The following BFSP1 variants were observed in gnomAD, a reference collection of about 807,000 sequenced individuals.
BFSP1 encodes the protein beaded filament structural protein 1.
Under a neutral mutation model 43.9 loss-of-function variants are expected in BFSP1, and 38 were observed. The observed-to-expected ratio is 0.87, with a 90% CI of 0.67 to 1.14. The LOEUF (loss-of-function observed/expected upper bound fraction) is 1.14. Among genes scored for constraint, BFSP1 ranks in the 50% most tolerant of loss-of-function variants. The probability of loss-of-function intolerance (pLI) is 0.00; values close to 1 mark genes in which losing one functional copy is unlikely to be tolerated. For missense variants in BFSP1, 850 were observed against 875.1 expected (o/e 0.97, Z 0.36); for synonymous variants, 352 against 354.8 (o/e 0.99, Z 0.09).
intron 1 of BFSP1, among the ~76,000 whole-genome samples, chr20:17,557,194 C>T (rs1006431674): frequency 2.6e-5 from 4 of 152,218 alleles, no homozygotes; most frequent in African/African-American, 4.8e-5. Context: ...AGGGCCAGGC[C>T]GTGCAAAGGA....
intron 1 of BFSP1, among the ~76,000 whole-genome samples, chr20:17,526,498 G>A (rs773556190): frequency 2.6e-5 from 4 of 152,164 alleles, no homozygotes; most frequent in African/African-American, 7.2e-5. Context: ...GCATATGTCA[G>A]AATTACCTTC....
chr20:17,537,568 C>CA (rs901895418), intron 1 of BFSP1, among the ~76,000 whole-genome samples: 2,418 of 63,354 alleles, frequency 0.038, 54 homozygotes, highest in African/African-American at 0.059. Flanking sequence ...ACTGAAGCAC[C>CA]AAAAAAAAAA....
rs2033671983 is a variant in BFSP1, at chr20:17,497,546, GTA to G, written c.957-525_957-524del. On this transcript the variant is annotated intron_variant, in intron 6 of 7. Transcript: ENST00000377873. ...TACACACACGTATGTATATATGTGT[GTA>G]TATATGTATATGTGTGTGTATATGT... 1.0e-4 allele frequency among the ~76,000 whole-genome samples: 7 copies of G among 66,852 alleles called. No individual in the cohort carries two copies. In the Admixed American group the frequency reaches 1.3e-3, roughly 12 times the overall value. The allele number at this position is 66,852 out of a possible 152,430, so 43.9% of individuals were successfully genotyped here.
chr20:17,524,959 T>G (rs754559298), intron 1 of BFSP1, 51 bp from the exon 2 acceptor site: 33 of 1,473,948 alleles, frequency 2.2e-5, no homozygotes, highest in Non-Finnish European at 3.0e-5. Flanking sequence ...TGCTTTCACA[T>G]GTATGGATCA....
chr20:17,543,797 A>C (rs1026199808), intron 1 of BFSP1, among the ~76,000 whole-genome samples: 3 of 152,214 alleles, frequency 2.0e-5, no homozygotes, highest in Non-Finnish European at 4.4e-5. Flanking sequence ...ATGTCCGCTT[A>C]AGTTAAATAG....
At chr20:17,550,725 G>A (rs11905481) in intron 1 of BFSP1, among the ~76,000 whole-genome samples, 14,652 of 152,078 alleles carry the variant, frequency 0.096, 899 homozygotes, top group East Asian at 0.33. Flanking sequence ...CACCCGCCTC[G>A]GCCTCCCAAA....
chr20:17,536,277 G>A (rs2034627598), upstream of BFSP1, among the ~76,000 whole-genome samples: 1 of 152,216 alleles, frequency 6.6e-6, no homozygotes, highest in African/African-American at 2.4e-5. Flanking sequence ...AAGGCTGGGT[G>A]AAGTGGCTCA....
rs769207170 is a variant in BFSP1, at chr20:17,494,946, T to G, written c.1126A>C (p.Ile376Leu). ...LPKNVPRRKE[I>L]ITKDKTNGAL... ...CCGTTGGTTTTGTCTTTTGTTATAA[T>G]CTCTTTTCTCCTTGGAACATTCTTG... Residue 376 changes from isoleucine (I) to leucine (L), a missense_variant, in exon 8 of 8, where the codon ATT becomes CTT. Physicochemically the swap from Ile to Leu is conservative, Grantham distance 5. Transcript: ENST00000377873. 5.0e-6 allele frequency: 8 copies of G among 1,614,106 alleles called. No individual in the cohort carries two copies. Among genetic ancestry groups the G allele is most frequent in the Non-Finnish European group, 5.9e-6 (7 of 1,180,050 alleles).
intron 5 of BFSP1, among the ~76,000 whole-genome samples, chr20:17,508,005 T>C (rs1169130550): frequency 6.6e-6 from 1 of 152,202 alleles, no homozygotes; most frequent in African/African-American, 2.4e-5. Flanking sequence ...CATCTAGTTG[T>C]GGCTTCACAT....
At chr20:17,531,402 C>A, upstream of BFSP1, 1 of 1,273,850 alleles carries the variant, frequency 7.9e-7, no homozygotes, top group Non-Finnish European at 9.9e-7. Context: ...GCCCGCAGCC[C>A]GCTAAATAAA....
chr20:17,501,814 C>T (rs1568683248), intron 5 of BFSP1, among the ~76,000 whole-genome samples: 2 of 152,124 alleles, frequency 1.3e-5, no homozygotes, highest in Non-Finnish European at 2.9e-5. Flanking sequence ...CAGGGGTGGG[C>T]CTGACCTAGG....
rs147327568 is a variant in BFSP1, at chr20:17,542,531, C to G, written c.2+16157G>C. ...GGAGGATCACTAGAGCCCAAGAGGTCAGGGCTGCAGTAAGCTATGATCGCA... is the reference window on the plus strand; with the variant it reads ...GGAGGATCACTAGAGCCCAAGAGGTGAGGGCTGCAGTAAGCTATGATCGCA... On this transcript the variant is annotated intron_variant, in intron 1 of 7. Coordinates refer to the BFSP1 transcript ENST00000377868. Among the ~76,000 whole-genome samples the G allele has an allele frequency of 9.9e-3, 1,497 of 151,886 alleles. 26 individuals are homozygous for G. The highest frequency in any genetic ancestry group is 0.034 in the African/African-American group (1,424 of 41,416).
chr20:17,529,090 T>TGTGTGTGTGTGTGTGTGTGTGTGAGA (rs577672397), intron 1 of BFSP1, among the ~76,000 whole-genome samples: 4 of 151,496 alleles, frequency 2.6e-5, no homozygotes, highest in African/African-American at 9.8e-5. Flanking sequence ...TGTGTGTGTG[T>TGTGTGTGTGTGTGTGTGTGTGTGAGA]GAGACAGAGT....
intron 1 of BFSP1, among the ~76,000 whole-genome samples, chr20:17,554,550 A>C (rs2034958851): frequency 1.3e-5 from 2 of 152,212 alleles, no homozygotes. Context: ...AATGAAACTA[A>C]ATACCCACCA....
chr20:17,493,965 G>T lies in BFSP1; in HGVS notation c.*109C>A, dbSNP rs962478017. 2.8e-6 allele frequency: 3 copies of T among 1,066,918 alleles called. No individual in the cohort carries two copies. In the South Asian group the frequency reaches 4.8e-5, roughly 17 times the overall value. The allele number at this position is 1,066,918 out of a possible 1,614,324, so 66.1% of individuals were successfully genotyped here. On this transcript the variant is annotated 3_prime_UTR_variant, in exon 8 of 8. Coordinates refer to ENST00000377873, the MANE Select transcript of BFSP1 (RefSeq NM_001195.5). ...TGGCAATGCCAGATGGGTCAACTAT[G>T]GTCTAATCCAAACAGGAACCCTCAC...
upstream of BFSP1, among the ~76,000 whole-genome samples, chr20:17,534,613 T>G (rs1186142629): frequency 6.6e-6 from 1 of 152,138 alleles, no homozygotes; most frequent in African/African-American, 2.4e-5. Context: ...GAACATCCTA[T>G]TAATAAAAAC....
At chr20:17,556,568 G>GATCT (rs1225339618) in intron 1 of BFSP1, among the ~76,000 whole-genome samples, 1 of 151,984 alleles carries the variant, frequency 6.6e-6, no homozygotes, top group South Asian at 2.1e-4. Flanking sequence ...ACTATCTATT[G>GATCT]ATCTATCTAT....
At position 17,509,331 on chromosome 20, in the gene BFSP1, A is replaced by T. The variant is rs2034021229; in HGVS notation, c.628-335T>A. On this transcript the variant is annotated intron_variant, in intron 4 of 7. Coordinates refer to ENST00000377873, the MANE Select transcript of BFSP1 (RefSeq NM_001195.5). ...GCCAGAAAGAGAGCCCTCACCAGACACCAATTCTGCTGGCATCTTGATCTT... is the reference window on the plus strand; with the variant it reads ...GCCAGAAAGAGAGCCCTCACCAGACTCCAATTCTGCTGGCATCTTGATCTT... 2.0e-5 allele frequency among the ~76,000 whole-genome samples: 3 copies of T among 150,170 alleles called. No individual in the cohort carries two copies. The South Asian group carries it at 6.4e-4, about 32-fold the overall frequency.
chr20:17,552,080 T>C (rs2034904143), intron 1 of BFSP1, among the ~76,000 whole-genome samples: 1 of 151,932 alleles, frequency 6.6e-6, no homozygotes, highest in Non-Finnish European at 1.5e-5. Flanking sequence ...ATAAGATAAA[T>C]AAGTGAAAAA....
Sources: gnomAD v4.1 joint callset for allele counts (sites outside exome capture counted in the v4.1 genomes callset) on GRCh38, gnomAD v4.1.1 for gene constraint, MANE v1.5 for transcripts, NCBI Gene and HGNC (gene_info 2026-07-23, HGNC 2026-07-21) for gene names.